STAMBPL1: variants seen among roughly 807,000 people sequenced by gnomAD.
The protein encoded by STAMBPL1 is AMSH-like protease.
Under a neutral mutation model 52.9 loss-of-function variants are expected in STAMBPL1, and 44 were observed. The observed-to-expected ratio is 0.83, with a 90% CI of 0.65 to 1.07. STAMBPL1 has a LOEUF of 1.07. Ranked by LOEUF, STAMBPL1 falls within the 50% of genes least tolerant of loss-of-function variation. The pLI, the probability that STAMBPL1 is intolerant of heterozygous loss-of-function variation, is 0.00. For synonymous variants in STAMBPL1, 164 were observed against 177.3 expected (o/e 0.92, Z 0.60); for missense variants, 511 against 520.8 (o/e 0.98, Z 0.18).
chr10:88,890,768 C>A (rs1326488598), intron 1 of STAMBPL1, among the ~76,000 whole-genome samples: 4 of 152,246 alleles, frequency 2.6e-5, no homozygotes, highest in Admixed American at 2.6e-4. Context: ...AGCCACTTAG[C>A]TTCCAAGTTC....
chr10:88,891,645 C>T (rs1372034722), intron 1 of STAMBPL1, among the ~76,000 whole-genome samples: 2 of 152,142 alleles, frequency 1.3e-5, no homozygotes, highest in African/African-American at 4.8e-5. Flanking sequence ...ATGGAGGATA[C>T]ACCATCACTT....
chr10:88,912,904 A>G (rs1327206053), intron 5 of STAMBPL1, 197 bp from the exon 6 acceptor site: 1 of 570,890 alleles, frequency 1.8e-6, no homozygotes, highest in Non-Finnish European at 3.1e-6. Flanking sequence ...CAGTGGATTT[A>G]GAACTGCTAT....
chr10:88,910,105 T>C (rs1440676615), intron 4 of STAMBPL1, among the ~76,000 whole-genome samples: 1 of 152,178 alleles, frequency 6.6e-6, no homozygotes, highest in Non-Finnish European at 1.5e-5. Context: ...TCCAAAACCA[T>C]ATACATTTCC....
intron 1 of STAMBPL1, 58 bp downstream of exon 1, chr10:88,880,696 G>C (rs1247592751): frequency 6.6e-6 from 1 of 152,214 alleles, no homozygotes; most frequent in Non-Finnish European, 1.5e-5. Flanking sequence ...AAGTGCGCAC[G>C]GCGGGTGCGT....
chr10:88,887,544 T>C (rs1844567736), intron 1 of STAMBPL1, among the ~76,000 whole-genome samples: 1 of 152,178 alleles, frequency 6.6e-6, no homozygotes, highest in African/African-American at 2.4e-5. Context: ...TTATATCTTT[T>C]TAAAACAAGG....
chr10:88,920,443 T>A (rs1343435798), intron 8 of STAMBPL1, among the ~76,000 whole-genome samples: 1 of 152,180 alleles, frequency 6.6e-6, no homozygotes, highest in African/African-American at 2.4e-5. Context: ...ATATAGCTAG[T>A]GAGTAATGGA....
intron 1 of STAMBPL1, among the ~76,000 whole-genome samples, chr10:88,887,395 C>T (rs539717875): frequency 3.3e-5 from 5 of 151,958 alleles, no homozygotes; most frequent in East Asian, 1.9e-4. Flanking sequence ...ATTTTTCTTT[C>T]GTCAAGTATA....
chr10:88,909,826 C>T (rs1845171221), intron 4 of STAMBPL1, among the ~76,000 whole-genome samples: 1 of 152,148 alleles, frequency 6.6e-6, no homozygotes, highest in Non-Finnish European at 1.5e-5. Flanking sequence ...GTCTTGAACT[C>T]CTGACCTCAA....
chr10:88,881,910 C>T (rs958973200), intron 1 of STAMBPL1, among the ~76,000 whole-genome samples: 4 of 152,156 alleles, frequency 2.6e-5, no homozygotes, highest in Non-Finnish European at 5.9e-5. Context: ...GAGCAGTAGG[C>T]TCTTTTTGTT....
At chr10:88,894,723 A>G (rs1251493261) in intron 1 of STAMBPL1, among the ~76,000 whole-genome samples, 3 of 152,218 alleles carry the variant, frequency 2.0e-5, no homozygotes, top group Admixed American at 6.5e-5. Flanking sequence ...AAACGGAGCA[A>G]ATTAGAAATG....
intron 5 of STAMBPL1, among the ~76,000 whole-genome samples, 176 bp downstream of exon 5, chr10:88,911,187 C>CA (rs2133192209): frequency 6.6e-6 from 1 of 152,232 alleles, no homozygotes; most frequent in Admixed American, 6.5e-5. Context: ...GCAGTTTCAC[C>CA]AACAATGTGG....
chr10:88,892,732 A>G (rs190347179), intron 1 of STAMBPL1, among the ~76,000 whole-genome samples: 1 of 152,336 alleles, frequency 6.6e-6, no homozygotes, highest in East Asian at 1.9e-4. Flanking sequence ...GTGGTTGGAG[A>G]ACACTGGAGA....
At chr10:88,888,599 G>A (rs1844598684) in intron 1 of STAMBPL1, among the ~76,000 whole-genome samples, 2 of 152,128 alleles carry the variant, frequency 1.3e-5, no homozygotes, top group Admixed American at 6.5e-5. Context: ...ATACATGAAG[G>A]CCACCTAGCT....
intron 1 of STAMBPL1, among the ~76,000 whole-genome samples, chr10:88,899,567 T>G (rs1844892862): frequency 6.6e-6 from 1 of 152,202 alleles, no homozygotes; most frequent in Non-Finnish European, 1.5e-5. Flanking sequence ...TAGAGTGTAG[T>G]GGTGCCATCT....
chr10:88,898,870 C>T (rs1169399715), intron 1 of STAMBPL1, among the ~76,000 whole-genome samples: 2 of 152,192 alleles, frequency 1.3e-5, no homozygotes, highest in African/African-American at 2.4e-5. Flanking sequence ...TCTTTTCAGC[C>T]AGGCTGCAGG....
rs183833208 is a variant in STAMBPL1, at chr10:88,892,305, G to A, written c.-53-9351G>A. ...TTCCCAGAAATTTTGACTCAGTGGGGCCTAGAAATCTGTGGGGTTTGTGTA... is the reference window on the plus strand; with the variant it reads ...TTCCCAGAAATTTTGACTCAGTGGGACCTAGAAATCTGTGGGGTTTGTGTA... On this transcript the variant is annotated intron_variant, in intron 1 of 10. Transcript: ENST00000371926. Among the ~76,000 whole-genome samples, 21 of 152,088 alleles carry A rather than the reference G, an allele frequency of 1.4e-4. 1 individual carries two copies. Among genetic ancestry groups the A allele is most frequent in the South Asian group, 4.2e-4 (2 of 4,810 alleles).
intron 4 of STAMBPL1, among the ~76,000 whole-genome samples, chr10:88,910,171 G>T (rs561961282): frequency 1.3e-5 from 2 of 152,194 alleles, no homozygotes; most frequent in South Asian, 4.1e-4. Flanking sequence ...AATGACAAAG[G>T]ATTAAGAGAA....
rs760769245 is a variant in STAMBPL1, at chr10:88,905,467, C to T, written c.55C>T (p.His19Tyr). Residue 19 changes from histidine to tyrosine, a missense_variant, in exon 3 of 11, where the codon CAT (histidine) becomes TAT (tyrosine). His to Tyr is a moderately conservative substitution (Grantham distance 83). Transcript: ENST00000371926. ...GAAAAAGTTAGCTGCTATGCCTGAC[C>T]ATACAGATGTTTCCCTAAGCCCAGA... ...SLKKLAAMPD[H>Y]TDVSLSPEER... is the part of the protein sequence containing the mutation. 1.9e-6 allele frequency: 3 copies of T among 1,613,998 alleles called. No individual in the cohort carries two copies. Among genetic ancestry groups the T allele is most frequent in the East Asian group, 2.2e-5 (1 of 44,866 alleles).
intron 1 of STAMBPL1, among the ~76,000 whole-genome samples, chr10:88,897,723 T>C (rs1315343652): frequency 6.6e-6 from 1 of 152,200 alleles, no homozygotes; most frequent in Non-Finnish European, 1.5e-5. Context: ...GTAAAGGATA[T>C]TTAGCAAGCA....
Sources: gnomAD v4.1 joint callset for allele counts (sites outside exome capture counted in the v4.1 genomes callset) on GRCh38, gnomAD v4.1.1 for gene constraint, MANE v1.5 for transcripts, NCBI Gene and HGNC (gene_info 2026-07-23, HGNC 2026-07-21) for gene names.